The following ATM variants were observed in gnomAD, a reference collection of about 807,000 sequenced individuals.
The protein encoded by ATM is serine-protein kinase ATM.
Under a neutral mutation model 387.0 loss-of-function variants are expected in ATM, and 308 were observed. The observed-to-expected ratio is 0.80, with a 90% CI of 0.73 to 0.87. The LOEUF (loss-of-function observed/expected upper bound fraction) is 0.87, where lower values mean the gene tolerates loss of function less well. Among genes scored for constraint, ATM ranks in the 40% least tolerant of loss-of-function variants. The probability of loss-of-function intolerance (pLI) is 0.00; values close to 1 mark genes in which losing one functional copy is unlikely to be tolerated. For missense variants in ATM, 3,312 were observed against 3,560.9 expected (o/e 0.93, Z 1.78); for synonymous variants, 1,156 against 1,187.3 (o/e 0.97, Z 0.54).
At position 108,366,396 on chromosome 11, in the gene ATM, GT is replaced by G. The variant is rs200629108; in HGVS notation, c.*895del. ...TCTGTTTCTTGATGTCATTTTTAAT[GT>G]TTTTTTAATGTTTTTTATGTCACTA... On this transcript the variant is annotated 3_prime_UTR_variant, in exon 63 of 63. Coordinates refer to ENST00000675843, the MANE Select transcript of ATM (RefSeq NM_000051.4). 1.4e-5 allele frequency: 3 copies of G among 216,346 alleles called. No homozygotes were observed. Among genetic ancestry groups the G allele is most frequent in the East Asian group, 6.9e-5 (1 of 14,498 alleles). The allele number at this position is 216,346 out of a possible 1,614,324, so 13.4% of individuals were successfully genotyped here.
At chr11:108,258,839 A>G in intron 15 of ATM, 147 bp from the exon 16 acceptor site, 1 of 666,568 alleles carries the variant, frequency 1.5e-6, no homozygotes, top group Non-Finnish European at 2.7e-6. Context: ...AACTCTAAGA[A>G]AAGATGTGTT....
At chr11:108,225,185 C>T (rs1418724856) in intron 1 of ATM, 1 of 152,178 alleles carries the variant, frequency 6.6e-6, no homozygotes, top group Middle Eastern at 3.2e-3. Flanking sequence ...TTACCAGTTT[C>T]ATTTTCCTTA....
Position 108,365,231 on chromosome 11 carries a change from T to G in ATM, c.8987+13T>G. The G allele has an allele frequency of 6.2e-7, 1 of 1,614,180 alleles. No homozygotes were observed. The highest frequency in any genetic ancestry group is 2.2e-5 in the East Asian group (1 of 44,888). On this transcript the variant is annotated intron_variant, in intron 62 of 62. Coordinates refer to ENST00000675843, the MANE Select transcript of ATM (RefSeq NM_000051.4). ...AACGAAATCTCAGGTGAGCAGTATT[T>G]TAAGAAGGTCCTGTTGTCAGTTTTT...
At chr11:108,227,540 C>A in intron 1 of ATM, 55 bp from the exon 2 acceptor site, 1 of 1,091,306 alleles carries the variant, frequency 9.2e-7, no homozygotes, top group Non-Finnish European at 1.4e-6. Flanking sequence ...CTCTTTCTCT[C>A]TATATATGCA....
rs1060501539 is a variant in ATM at position 108,254,010 on chromosome 11, G to C, written c.2095G>C (p.Glu699Gln). The C allele has an allele frequency of 4.3e-6, 7 of 1,613,714 alleles. No homozygotes were observed. In the South Asian group the frequency reaches 5.5e-5, roughly 13 times the overall value. ...SLDRCLLGLSEQLLNNYSSEI... is the reference protein window; with the variant it reads ...SLDRCLLGLSQQLLNNYSSEI... ...GGATCGCTGTCTTCTGGGATTATCA[G>C]AACAGCTTCTGAATAATTACTCATC... Residue 699 changes from glutamate to glutamine, a missense_variant, in exon 13 of 63, where the codon GAA becomes CAA. Coordinates refer to ENST00000675843, the MANE Select transcript of ATM (RefSeq NM_000051.4).
rs573000957 is a variant in ATM, at chr11:108,365,631, T to G, written c.*123T>G. 48 of 1,236,004 alleles carry G rather than the reference T, an allele frequency of 3.9e-5. No individual in the cohort carries two copies. Among genetic ancestry groups the G allele is most frequent in the South Asian group, 2.9e-4 (20 of 69,842 alleles). 76.6% of individuals were successfully genotyped at this position (1,236,004 alleles called of 1,614,324 possible). ...TTAAGTGAACTATTGTGGGTTTTTT[T>G]GAATGTTGGTTTTAATACTTGATTT... On this transcript the variant is annotated 3_prime_UTR_variant, in exon 63 of 63. Transcript: ENST00000675843.
Position 108,272,421 on chromosome 11 carries a change from G to T in ATM, c.3078-111G>T, listed in dbSNP as rs2081631555. On this transcript the variant is annotated intron_variant, in intron 20 of 62. Transcript: ENST00000675843. ...GCATATTCCACATAATGACAAATAA[G>T]TTTAGCACAGAAAGACATATTGGAA... 54 of 921,356 alleles carry T rather than the reference G, an allele frequency of 5.9e-5. 1 individual carries two copies. The South Asian group carries it at 7.6e-4, about 13-fold the overall frequency. The allele number at this position is 921,356 out of a possible 1,614,324, so 57.1% of individuals were successfully genotyped here.
intron 33 of ATM, among the ~76,000 whole-genome samples, chr11:108,299,263 T>G (rs1046356607): frequency 6.6e-6 from 1 of 152,056 alleles, no homozygotes; most frequent in African/African-American, 2.4e-5. Context: ...TTATGGAATT[T>G]GTGTGATACC....
chr11:108,257,653 T>C (rs1213463742), intron 15 of ATM, 47 bp downstream of exon 15: 1 of 1,583,678 alleles, frequency 6.3e-7, no homozygotes, highest in East Asian at 2.2e-5. Context: ...AGGATCTTTC[T>C]CTGTCACCCA....
chr11:108,359,336 C>T (rs2090425808), intron 61 of ATM, among the ~76,000 whole-genome samples: 1 of 152,004 alleles, frequency 6.6e-6, no homozygotes, highest in Non-Finnish European at 1.5e-5. Flanking sequence ...GAATCCCACA[C>T]ATTAATAATG....
chr11:108,250,509 G>A (rs539216576), intron 9 of ATM, among the ~76,000 whole-genome samples, 192 bp from the exon 10 acceptor site: 4 of 152,070 alleles, frequency 2.6e-5, no homozygotes, highest in African/African-American at 9.7e-5. Context: ...CTAGCCAAAC[G>A]TTGACAATTT....
rs1255710647 is a variant in ATM at position 108,320,040 on chromosome 11, A to T, written c.6434A>T (p.Glu2145Val). Reference sequence around the variant, plus strand: ...GACAGAGAATTCTCTACATTTTATGAAAGTCTCAAATATGCCAGGTATTAT... The same window carrying T: ...GACAGAGAATTCTCTACATTTTATGTAAGTCTCAAATATGCCAGGTATTAT... ...LRDREFSTFY[E>V]SLKYARVKEV... Residue 2145 changes from glutamate to valine, a missense_variant, in exon 44 of 63, where the codon GAA becomes GTA. This residue lies in a region of ATM where 1,405 missense variants were observed against 1,604.4 expected (regional missense o/e 0.88). Coordinates refer to ENST00000675843, the MANE Select transcript of ATM (RefSeq NM_000051.4). 6.2e-7 allele frequency: 1 copy of T among 1,600,644 alleles called. No homozygotes were observed. Among genetic ancestry groups the T allele is most frequent in the Non-Finnish European group, 8.6e-7 (1 of 1,167,940 alleles).
At chr11:108,229,067 C>A in intron 3 of ATM, 111 bp from the exon 4 acceptor site, 2 of 1,084,272 alleles carry the variant, frequency 1.8e-6, no homozygotes, top group Non-Finnish European at 2.7e-6. Context: ...ATGTAGTAAT[C>A]TAAGCAAGGT....
At chr11:108,256,589 T>A (rs55742959) in intron 14 of ATM, among the ~76,000 whole-genome samples, 1 of 152,198 alleles carries the variant, frequency 6.6e-6, no homozygotes, top group East Asian at 1.9e-4. Flanking sequence ...TACATAGATA[T>A]ACAGTGCCAT....
intron 7 of ATM, 55 bp from the exon 8 acceptor site, chr11:108,246,909 G>T: frequency 7.1e-7 from 1 of 1,415,898 alleles, no homozygotes. Context: ...GTGGGAGCTA[G>T]CAGTGTAAAC....
In ATM at chr11:108,366,857, C is replaced by T; in HGVS notation, c.*1349C>T. The T allele has an allele frequency of 4.4e-6, 1 of 229,682 alleles. No individual in the cohort carries two copies. The highest frequency in any genetic ancestry group is 8.6e-6 in the Non-Finnish European group (1 of 115,838). The allele number at this position is 229,682 out of a possible 1,614,324, so 14.2% of individuals were successfully genotyped here. A position where few individuals can be genotyped will look rare whatever the true frequency, so the allele number is the denominator to read the frequency against. ...AGGTACATTTAATTCCCACTGCCTG[C>T]CTTTGGCAAGCCCTGGGTTCTTTGC... On this transcript the variant is annotated 3_prime_UTR_variant, in exon 63 of 63. Transcript: ENST00000675843.
intron 61 of ATM, among the ~76,000 whole-genome samples, chr11:108,359,609 G>C (rs1192085200): frequency 1.3e-5 from 2 of 152,248 alleles, no homozygotes; most frequent in Admixed American, 6.5e-5. Context: ...TCAGACCACA[G>C]TGACATCAAA....
intron 49 of ATM, among the ~76,000 whole-genome samples, chr11:108,329,484 A>G (rs2086036627): frequency 6.6e-6 from 1 of 151,358 alleles, no homozygotes; most frequent in African/African-American, 2.4e-5. Context: ...ACTGTACTCC[A>G]GCTCACTGCA....
At position 108,272,822 on chromosome 11, in the gene ATM, T is replaced by A. The variant is rs1284116426; in HGVS notation, c.3254T>A (p.Val1085Asp). 6.2e-7 allele frequency: 1 copy of A among 1,614,090 alleles called. No individual in the cohort carries two copies. The highest frequency in any genetic ancestry group is 1.1e-5 in the South Asian group (1 of 91,088). Residue 1085 changes from valine (V) to aspartate (D), a missense_variant, in exon 22 of 63, where the codon GTT becomes GAT. This residue lies in a region of ATM where 1,791 missense variants were observed against 1,804.5 expected (regional missense o/e 0.99). Coordinates refer to ENST00000675843, the MANE Select transcript of ATM (RefSeq NM_000051.4). ...TQFLADNHHQ[V>D]RMLAAESINR... ...TTTCTTGCTGACAATCATCACCAAGTTCGCATGTTGGCTGCAGAGTCAATC... is the reference window on the plus strand; with the variant it reads ...TTTCTTGCTGACAATCATCACCAAGATCGCATGTTGGCTGCAGAGTCAATC...
Sources: gnomAD v4.1 joint callset for allele counts (sites outside exome capture counted in the v4.1 genomes callset) on GRCh38, gnomAD v4.1.1 for gene constraint, gnomAD v4.1.1 regional missense constraint, MANE v1.5 for transcripts, NCBI Gene and HGNC (gene_info 2026-07-23, HGNC 2026-07-21) for gene names.